Variants in MTR observed in about 807,000 individuals in gnomAD.
MTR encodes 5-methyltetrahydrofolate-homocysteine methyltransferase.
Under a neutral mutation model 154.8 loss-of-function variants are expected in MTR, and 84 were observed. The observed-to-expected ratio is 0.54, with a 90% CI of 0.45 to 0.65. MTR has a LOEUF of 0.65. Ranked by LOEUF, MTR falls within the 30% of genes least tolerant of loss-of-function variation. The pLI is 0.00. For synonymous variants in MTR, 554 were observed against 553.9 expected (o/e 1.00, Z 0.00); for missense variants, 1,275 against 1,570.2 (o/e 0.81, Z 3.18).
chr1:236,868,011 T>A (rs2103337383), intron 22 of MTR, among the ~76,000 whole-genome samples: 1 of 152,346 alleles, frequency 6.6e-6, no homozygotes, highest in African/African-American at 2.4e-5. Flanking sequence ...GGGCAAGGTT[T>A]GAGATGATTG....
In MTR at chr1:236,835,633, A is replaced by C. The variant is rs202147344; in HGVS notation, c.1275A>C (p.Pro425=). 6 of 1,611,078 alleles carry C rather than the reference A, an allele frequency of 3.7e-6. No homozygotes were observed. Among genetic ancestry groups the C allele is most frequent in the Non-Finnish European group, 5.1e-6 (6 of 1,179,542 alleles). ...TGGATGATGGCATGCTAGATGGTCC[A>C]AGTGCAATGACCAGATTTTGCAACT... ...VNMDDGMLDG[P]SAMTRFCNLI... is the part of the protein sequence containing the mutation. The change falls in exon 14 of 33, where the codon CCA becomes CCC. Residue 425 remains proline (P), a synonymous_variant. Coordinates refer to ENST00000366577, the MANE Select transcript of MTR (RefSeq NM_000254.3).
intron 15 of MTR, among the ~76,000 whole-genome samples, chr1:236,840,029 G>C (rs1024925808): frequency 6.6e-6 from 1 of 152,138 alleles, no homozygotes; most frequent in South Asian, 2.1e-4. Context: ...ATCTGAGATG[G>C]GGGTGGTCTC....
chr1:236,816,739 G>C (rs1661617957), intron 8 of MTR, among the ~76,000 whole-genome samples, 196 bp downstream of exon 8: 1 of 152,182 alleles, frequency 6.6e-6, no homozygotes, highest in Non-Finnish European at 1.5e-5. Context: ...GTCAATTTGA[G>C]GGACTGGGAG....
At chr1:236,838,308 T>A in intron 14 of MTR, 106 bp from the exon 15 acceptor site, 1 of 1,177,508 alleles carries the variant, frequency 8.5e-7, no homozygotes, top group East Asian at 2.3e-5. Context: ...CTATTTTTTG[T>A]TTATTGTTTT....
Position 236,795,453 on chromosome 1 carries a change from G to A in MTR, c.-251G>A, listed in dbSNP as rs993212462. On this transcript the variant is annotated 5_prime_UTR_variant, in exon 1 of 33. Coordinates refer to ENST00000366577, the MANE Select transcript of MTR (RefSeq NM_000254.3). ...GGCTGCTAGGCCGACACCAAGGACT[G>A]GCCGGGTACCCGGGAAGAAAGCACG... 16 of 1,496,442 alleles carry A rather than the reference G, an allele frequency of 1.1e-5. No homozygotes were observed. Among genetic ancestry groups the A allele is most frequent in the Non-Finnish European group, 1.2e-5 (14 of 1,121,232 alleles). 92.7% of individuals were successfully genotyped at this position (1,496,442 alleles called of 1,614,324 possible). A position where few individuals can be genotyped will look rare whatever the true frequency, so the allele number is the denominator to read the frequency against.
chr1:236,807,559 TA>T (rs1432058828), intron 3 of MTR, among the ~76,000 whole-genome samples: 2 of 152,240 alleles, frequency 1.3e-5, no homozygotes, highest in Non-Finnish European at 2.9e-5. Context: ...TCTATTTTTT[TA>T]AATAGTAGTC....
intron 24 of MTR, among the ~76,000 whole-genome samples, chr1:236,878,138 G>C (rs756617600): frequency 1.3e-5 from 2 of 151,806 alleles, no homozygotes; most frequent in African/African-American, 2.4e-5. Context: ...CTTGCCTTTT[G>C]CTATCTTAGT....
At chr1:236,887,274 G>A (rs1348432842) in intron 27 of MTR, among the ~76,000 whole-genome samples, 5 of 152,176 alleles carry the variant, frequency 3.3e-5, no homozygotes, top group African/African-American at 9.7e-5. Context: ...TGAGTTCAGC[G>A]TGGTTTGGTG....
At position 236,825,462 on chromosome 1, in the gene MTR, AG is replaced by A; in HGVS notation, c.927+64del. On this transcript the variant is annotated intron_variant, in intron 10 of 32. Transcript: ENST00000366577. The stretch of plus-strand genomic sequence containing the variant: ...CAGAAAGATTGAATTTTAGATTTAG[AG>A]TATTTAGAAGGAGAATTTTCCCTGA... 3 of 1,434,974 alleles carry A rather than the reference AG, an allele frequency of 2.1e-6. No homozygotes were observed. The Admixed American group carries it at 5.0e-5, about 24-fold the overall frequency. 88.9% of individuals were successfully genotyped at this position (1,434,974 alleles called of 1,614,324 possible).
chr1:236,857,173 C>T (rs1664258065), intron 18 of MTR, among the ~76,000 whole-genome samples: 1 of 152,196 alleles, frequency 6.6e-6, no homozygotes, highest in Non-Finnish European at 1.5e-5. Flanking sequence ...CCTATTTCTC[C>T]ACATCCTCTC....
intron 25 of MTR, among the ~76,000 whole-genome samples, chr1:236,882,323 C>T (rs1398673133): frequency 6.6e-6 from 1 of 151,996 alleles, no homozygotes; most frequent in Admixed American, 6.5e-5. Flanking sequence ...CAGTGCCAAC[C>T]TTTCCTCTAT....
chr1:236,869,614 T>C (rs1314213376), intron 22 of MTR, among the ~76,000 whole-genome samples: 1 of 152,138 alleles, frequency 6.6e-6, no homozygotes, highest in Non-Finnish European at 1.5e-5. Flanking sequence ...GGGAGAGGCT[T>C]ACAGACATAG....
Position 236,889,300 on chromosome 1 carries a change from C to T in MTR, c.2971C>T (p.Arg991Ter), listed in dbSNP as rs536238004. 9.3e-6 allele frequency: 15 copies of T among 1,614,202 alleles called. No individual in the cohort carries two copies. The highest frequency in any genetic ancestry group is 3.3e-5 in the South Asian group (3 of 91,080). Residue 991 changes from arginine (R) to a stop codon, truncating the protein, a stop_gained, in exon 28 of 33, where the codon CGA (arginine) becomes TGA (stop). Transcript: ENST00000366577. LOFTEE classifies it high-confidence loss of function. ...VWQLRGKYPN[R>*]GFPKIFNDKT... The stretch of plus-strand genomic sequence containing the variant: ...GCAGCTCCGGGGCAAGTACCCGAAT[C>T]GAGGCTTTCCCAAGATATTTAACGA...
At chr1:236,795,882 G>T (rs752938445) in intron 1 of MTR, 145 bp downstream of exon 1, 17 of 1,284,964 alleles carry the variant, frequency 1.3e-5, no homozygotes, top group Admixed American at 1.9e-5. Context: ...AGAACTTAGC[G>T]CAGGAGCCCG....
chr1:236,821,745 G>T (rs1464458304), intron 8 of MTR, among the ~76,000 whole-genome samples: 1 of 152,170 alleles, frequency 6.6e-6, no homozygotes, highest in East Asian at 1.9e-4. Flanking sequence ...TGTGAAAGAT[G>T]TAATGTCTGT....
chr1:236,869,242 A>G (rs1364478666), intron 22 of MTR, among the ~76,000 whole-genome samples: 2 of 152,238 alleles, frequency 1.3e-5, no homozygotes, highest in Non-Finnish European at 2.9e-5. Context: ...TATTTTTGAA[A>G]TTCTGTGTAT....
intron 22 of MTR, among the ~76,000 whole-genome samples, chr1:236,871,814 T>C (rs1345462487): frequency 6.6e-6 from 1 of 152,202 alleles, no homozygotes; most frequent in Non-Finnish European, 1.5e-5. Context: ...TACTTTTTAC[T>C]GAAGATTCCA....
chr1:236,822,964 GT>G (rs777267675), intron 8 of MTR, among the ~76,000 whole-genome samples: 15 of 152,188 alleles, frequency 9.9e-5, no homozygotes, highest in Non-Finnish European at 2.1e-4. Flanking sequence ...CTAGCTGGAA[GT>G]TTTTTGTAGA....
rs189427908 is a variant in MTR, at chr1:236,846,874, T to G, written c.1516-3470T>G. ...ACATCCGTTTCCATCACTTCTGTTT[T>G]TTTTGTTTTTGTTTTTGTTTTTGTT... On this transcript the variant is annotated intron_variant, in intron 15 of 32. Transcript: ENST00000366577. Among the ~76,000 whole-genome samples, 379 of 150,992 alleles carry G rather than the reference T, an allele frequency of 2.5e-3. 2 individuals are homozygous for G. Among genetic ancestry groups the G allele is most frequent in the African/African-American group, 8.3e-3 (336 of 40,404 alleles).
Sources: gnomAD v4.1 joint callset for allele counts (sites outside exome capture counted in the v4.1 genomes callset) on GRCh38, gnomAD v4.1.1 for gene constraint, MANE v1.5 for transcripts, NCBI Gene and HGNC (gene_info 2026-07-23, HGNC 2026-07-21) for gene names.